Variants in GABRA6 observed in about 807,000 individuals in gnomAD.
The protein encoded by GABRA6 is gamma-aminobutyric acid receptor subunit alpha-6.
Under a neutral mutation model 47.3 loss-of-function variants are expected in GABRA6, and 45 were observed. The observed-to-expected ratio is 0.95, with a 90% CI of 0.75 to 1.22. The LOEUF (loss-of-function observed/expected upper bound fraction) is 1.22, where lower values mean the gene tolerates loss of function less well. GABRA6 is among the 50% of genes most tolerant of loss of function. The probability of loss-of-function intolerance (pLI) is 0.00; values close to 1 mark genes in which losing one functional copy is unlikely to be tolerated. For missense variants in GABRA6, 583 were observed against 549.3 expected (o/e 1.06, Z -0.61); for synonymous variants, 219 against 194.7 (o/e 1.12, Z -1.04).
In GABRA6 at chr5:161,692,210, T is replaced by A. The variant is rs141165453; in HGVS notation, c.1086+10T>A. ...AGCTGAGATTGTTTTGGTAATTGTT[T>A]ACTTTTTCTATCATTACCTACCGTA... is the stretch of plus-strand genomic sequence containing the variant. On this transcript the variant is annotated intron_variant, in intron 8 of 8. Transcript: ENST00000274545. The A allele has an allele frequency of 2.8e-4, 457 of 1,614,238 alleles. No homozygotes were observed. In the African/African-American group the frequency reaches 5.8e-3, roughly 20 times the overall value.
Position 161,690,211 on chromosome 5 carries a change from TATA to T in GABRA6, c.687_689del (p.Ile229del). The T allele has an allele frequency of 6.2e-7, 1 of 1,613,716 alleles. No homozygotes were observed. Among genetic ancestry groups the T allele is most frequent in the East Asian group, 2.2e-5 (1 of 44,806 alleles). On this transcript the variant is annotated inframe_deletion, in exon 7 of 9. Transcript: ENST00000274545. ...TGTGTCTTCCAACAGGTGAATACGT[TATA>T]ATGACAGTTTACTTCCACTTGCAAA...
Position 161,689,146 on chromosome 5 carries a change from T to G in GABRA6, c.423T>G (p.Asn141Lys). The G allele has an allele frequency of 1.2e-6, 2 of 1,614,066 alleles. No homozygotes were observed. The highest frequency in any genetic ancestry group is 1.7e-6 in the Non-Finnish European group (2 of 1,179,928). ...ATAAACTCTTCAGAATAATGCAGAA[T>G]GGAACCATTTTATACACCATGAGGT... ...TPNKLFRIMQ[N>K]GTILYTMRLT... The change falls in exon 4 of 9, where the codon AAT becomes AAG. Residue 141 changes from asparagine (N) to lysine (K), a missense_variant. Physicochemically the swap from Asn to Lys is moderately conservative, Grantham distance 94. Transcript: ENST00000274545.
Position 161,688,999 on chromosome 5 carries a change from G to A in GABRA6, c.276G>A (p.Leu92=), listed in dbSNP as rs375602341. The change falls in exon 4 of 9, where the codon TTG becomes TTA. Residue 92 remains leucine, a synonymous_variant. Coordinates refer to ENST00000274545, the MANE Select transcript of GABRA6 (RefSeq NM_000811.3). ...FFRQTWTDER[L]KFGGPTEILS... ...GCCAGACCTGGACTGATGAGAGGTT[G>A]AAGTTTGGGGGGCCAACTGAGATTC... 3.7e-5 allele frequency: 60 copies of A among 1,614,040 alleles called. 1 individual carries two copies. In the East Asian group the frequency reaches 9.1e-4, roughly 25 times the overall value.
chr5:161,692,839 G>A (rs889998567), intron 8 of GABRA6, among the ~76,000 whole-genome samples: 1 of 152,090 alleles, frequency 6.6e-6, no homozygotes, highest in African/African-American at 2.4e-5. Flanking sequence ...GCTAAGTTCT[G>A]GTCCCCAGAG....
At position 161,695,276 on chromosome 5, in the gene GABRA6, G is replaced by T. The variant is rs991724513; in HGVS notation, c.1086+3076G>T. ...AAAATCTAGATCTCAAACCCAAAAA[G>T]GCACCTTAAAGCTAAATCTTCAGAA... On this transcript the variant is annotated intron_variant, in intron 8 of 8. Coordinates refer to ENST00000274545, the MANE Select transcript of GABRA6 (RefSeq NM_000811.3). 6.6e-5 allele frequency among the ~76,000 whole-genome samples: 10 copies of T among 152,038 alleles called. 1 individual carries two copies. Among genetic ancestry groups the T allele is most frequent in the African/African-American group, 1.9e-4 (8 of 41,416 alleles).
chr5:161,700,061 T>C (rs1754954153), intron 8 of GABRA6, among the ~76,000 whole-genome samples: 1 of 152,236 alleles, frequency 6.6e-6, no homozygotes, highest in Non-Finnish European at 1.5e-5. Context: ...ATTATTTAGA[T>C]ACCCAGTAAG....
In GABRA6 at chr5:161,691,963, GACC is replaced by G; in HGVS notation, c.852_854del (p.Thr285del). The G allele has an allele frequency of 6.2e-7, 1 of 1,613,772 alleles. No homozygotes were observed. Among genetic ancestry groups the G allele is most frequent in the Non-Finnish European group, 8.5e-7 (1 of 1,179,790 alleles). On this transcript the variant is annotated inframe_deletion, in exon 8 of 9. Transcript: ENST00000274545. The stretch of plus-strand genomic sequence containing the variant: ...TAGGGATCACCACTGTTTTAACTAT[GACC>G]ACTTTGAGCATCAGTGCCCGGCACT...
At chr5:161,697,145 G>A (rs1177382634) in intron 8 of GABRA6, among the ~76,000 whole-genome samples, 2 of 152,158 alleles carry the variant, frequency 1.3e-5, no homozygotes, top group Non-Finnish European at 2.9e-5. Context: ...AAGCAGGATG[G>A]CACTCAGCAG....
chr5:161,693,533 G>A (rs1487310004), intron 8 of GABRA6, among the ~76,000 whole-genome samples: 2 of 152,042 alleles, frequency 1.3e-5, no homozygotes, highest in Non-Finnish European at 2.9e-5. Context: ...TGTATAAGCC[G>A]AGTGCAGTGG....
In GABRA6 at chr5:161,685,766, A is replaced by G; in HGVS notation, c.-224A>G. 3.3e-6 allele frequency: 2 copies of G among 604,350 alleles called. No homozygotes were observed. Among genetic ancestry groups the G allele is most frequent in the Non-Finnish European group, 5.9e-6 (2 of 339,604 alleles). The allele number at this position is 604,350 out of a possible 1,614,324, so 37.4% of individuals were successfully genotyped here. On this transcript the variant is annotated 5_prime_UTR_variant, in exon 1 of 9. Coordinates refer to ENST00000274545, the MANE Select transcript of GABRA6 (RefSeq NM_000811.3). Reference sequence around the variant, plus strand: ...CTGCAGGACATAATCTAAGACCACAAACCACCTTGTTCCACGTGAGAAGGA... The same window carrying G: ...CTGCAGGACATAATCTAAGACCACAGACCACCTTGTTCCACGTGAGAAGGA...
At chr5:161,686,104 T>C in intron 1 of GABRA6, 77 bp downstream of exon 1, 3 of 1,460,826 alleles carry the variant, frequency 2.1e-6, no homozygotes, top group Middle Eastern at 1.7e-4. Context: ...GGGTGACTCC[T>C]ATATCAAATC....
chr5:161,688,332 G>A (rs554665504), intron 3 of GABRA6, among the ~76,000 whole-genome samples: 1 of 152,160 alleles, frequency 6.6e-6, no homozygotes, highest in South Asian at 2.1e-4. Flanking sequence ...ACATTTTAAT[G>A]CTATTTCATA....
rs750317512 is a variant in GABRA6, at chr5:161,702,420, A to G, written c.*647A>G. 6.6e-6 allele frequency: 1 copy of G among 152,378 alleles called. No individual in the cohort carries two copies. Among genetic ancestry groups the G allele is most frequent in the Non-Finnish European group, 1.5e-5 (1 of 68,166 alleles). The allele number at this position is 152,378 out of a possible 1,614,324, so 9.4% of individuals were successfully genotyped here. ...CATAGCTGTAGTTGGACTAAAATTC[A>G]GTGTGTTTTATCCTACTAAATTCTC... On this transcript the variant is annotated 3_prime_UTR_variant, in exon 9 of 9. Transcript: ENST00000274545.
chr5:161,689,737 A>G lies in GABRA6; in HGVS notation c.631A>G (p.Ile211Val), dbSNP rs774386607. Reference sequence around the variant, plus strand: ...TTCAAGCCTTCTCCAGTATGATCTGATTGGACAAACAGTATCTAGTGAGAC... The same window carrying G: ...TTCAAGCCTTCTCCAGTATGATCTGGTTGGACAAACAGTATCTAGTGAGAC... ...ESSSLLQYDL[I>V]GQTVSSETIK... Residue 211 changes from isoleucine to valine, a missense_variant, in exon 6 of 9, where the codon ATT becomes GTT. Ile to Val is a conservative substitution (Grantham distance 29). Transcript: ENST00000274545. The G allele has an allele frequency of 6.2e-7, 1 of 1,613,536 alleles. No individual in the cohort carries two copies. Among genetic ancestry groups the G allele is most frequent in the Non-Finnish European group, 8.5e-7 (1 of 1,179,472 alleles).
intron 8 of GABRA6, 31 bp downstream of exon 8, chr5:161,692,231 CCGTAG>C (rs1361917891): frequency 6.2e-7 from 1 of 1,613,622 alleles, no homozygotes; most frequent in Non-Finnish European, 8.5e-7. Context: ...TCATTACCTA[CCGTAG>C]GAAAAAGCAG....
At chr5:161,692,652 C>G (rs1212955683) in intron 8 of GABRA6, among the ~76,000 whole-genome samples, 1 of 152,174 alleles carries the variant, frequency 6.6e-6, no homozygotes, top group Non-Finnish European at 1.5e-5. Context: ...GGCAAGGCAT[C>G]TGTGAATAAT....
intron 8 of GABRA6, among the ~76,000 whole-genome samples, chr5:161,695,816 T>C (rs1268242088): frequency 6.6e-6 from 1 of 152,228 alleles, no homozygotes; most frequent in African/African-American, 2.4e-5. Flanking sequence ...TTCTTTTTTT[T>C]TCTTTCCATC....
intron 8 of GABRA6, among the ~76,000 whole-genome samples, chr5:161,692,520 G>T (rs1198612417): frequency 6.6e-6 from 1 of 152,088 alleles, no homozygotes; most frequent in Non-Finnish European, 1.5e-5. Flanking sequence ...TACCAAGTAG[G>T]GGCAAAAAAG....
chr5:161,698,695 G>A (rs1012279862), intron 8 of GABRA6, among the ~76,000 whole-genome samples: 2 of 152,010 alleles, frequency 1.3e-5, no homozygotes, highest in African/African-American at 4.8e-5. Context: ...AGAGCCTATA[G>A]CACCTAGGAG....
Sources: gnomAD v4.1 joint callset for allele counts (sites outside exome capture counted in the v4.1 genomes callset) on GRCh38, gnomAD v4.1.1 for gene constraint, MANE v1.5 for transcripts, NCBI Gene and HGNC (gene_info 2026-07-23, HGNC 2026-07-21) for gene names.